CEP70: variants seen among roughly 807,000 people sequenced by gnomAD.
CEP70 encodes the protein centrosomal protein 70, also known as centrosomal protein of 70 kDa.
In CEP70, 70 loss-of-function variants were observed where a neutral mutation model predicts 90.9. The ratio of observed to expected loss-of-function variants is 0.77; its 90% CI spans 0.64 to 0.94. The LOEUF (loss-of-function observed/expected upper bound fraction) is 0.94. CEP70 is among the 40% of genes least tolerant of loss of function. CEP70 has a pLI of 0.00. For synonymous variants in CEP70, 220 were observed against 228.3 expected (o/e 0.96, Z 0.33); for missense variants, 648 against 669.0 (o/e 0.97, Z 0.35).
chr3:138,558,860 G>A (rs985873029), intron 6 of CEP70, among the ~76,000 whole-genome samples: 9 of 152,054 alleles, frequency 5.9e-5, no homozygotes, highest in African/African-American at 1.9e-4. Flanking sequence ...AAAACAGCAG[G>A]CTATAAAAAG....
rs2033857690 is a variant in CEP70, at chr3:138,494,708, CTGTCTCCCT to C, written c.*298_*306del. The C allele has an allele frequency of 5.1e-6, 1 of 194,900 alleles. No individual in the cohort carries two copies. Among genetic ancestry groups the C allele is most frequent in the African/African-American group, 2.4e-5 (1 of 42,216 alleles). 12.1% of individuals were successfully genotyped at this position (194,900 alleles called of 1,614,324 possible). A position where few individuals can be genotyped will look rare whatever the true frequency, so the allele number is the denominator to read the frequency against. The stretch of plus-strand genomic sequence containing the variant: ...AAGATTGCAACCTACTACTTGCAAT[CTGTCTCCCT>C]GGGCTCCTCTTTTACTCACAAACTC... On this transcript the variant is annotated 3_prime_UTR_variant, in exon 18 of 18. Transcript: ENST00000264982.
At chr3:138,584,042 G>A (rs959324474) in intron 2 of CEP70, among the ~76,000 whole-genome samples, 2 of 151,674 alleles carry the variant, frequency 1.3e-5, no homozygotes, top group African/African-American at 4.8e-5. Flanking sequence ...CCAGACTAAT[G>A]AAGAAAAAAG....
rs140628274 is a variant in CEP70, at chr3:138,543,251, A to G, written c.466-5904T>C. ...GTGCCCAGGCTGTCTGCACTGCAGG[A>G]CACTCACAGGCCCATGCCAAGCTGC... On this transcript the variant is annotated intron_variant, in intron 6 of 17. Coordinates refer to ENST00000264982, the MANE Select transcript of CEP70 (RefSeq NM_024491.4). Among the ~76,000 whole-genome samples the G allele has an allele frequency of 5.6e-3, 860 of 152,240 alleles. 8 individuals carry two copies. Among genetic ancestry groups the G allele is most frequent in the African/African-American group, 0.02 (828 of 41,544 alleles).
intron 6 of CEP70, among the ~76,000 whole-genome samples, chr3:138,552,345 C>G (rs2039682571): frequency 6.6e-6 from 1 of 152,170 alleles, no homozygotes; most frequent in East Asian, 1.9e-4. Flanking sequence ...ATTTACAACA[C>G]ATTCTACCCA....
At chr3:138,502,811 T>C (rs984462614) in intron 13 of CEP70, among the ~76,000 whole-genome samples, 4 of 152,180 alleles carry the variant, frequency 2.6e-5, no homozygotes, top group Non-Finnish European at 4.4e-5. Flanking sequence ...GTTGTGGAGA[T>C]GTAGAAGTAC....
intron 2 of CEP70, among the ~76,000 whole-genome samples, chr3:138,587,803 G>T (rs1013853254): frequency 2.6e-5 from 4 of 152,030 alleles, no homozygotes; most frequent in African/African-American, 9.7e-5. Flanking sequence ...GAATGAAAAA[G>T]AAGAACAAAG....
At chr3:138,497,035 C>G (rs887717889) in intron 17 of CEP70, 2 of 1,000,206 alleles carry the variant, frequency 2.0e-6, no homozygotes, top group African/African-American at 3.5e-5. Flanking sequence ...TTCAGGATAT[C>G]AGACAACACA....
chr3:138,530,084 T>G (rs764292895), intron 8 of CEP70, among the ~76,000 whole-genome samples: 15 of 152,200 alleles, frequency 9.9e-5, no homozygotes, highest in Non-Finnish European at 2.2e-4. Flanking sequence ...CTCTGTGAAA[T>G]GCAAAGTGCT....
intron 6 of CEP70, among the ~76,000 whole-genome samples, chr3:138,541,205 C>T (rs1341126582): frequency 6.6e-6 from 1 of 152,070 alleles, no homozygotes; most frequent in African/African-American, 2.4e-5. Flanking sequence ...ACGTAACAAA[C>T]CTTCACATTT....
At position 138,583,737 on chromosome 3, in the gene CEP70, A is replaced by G. The variant is rs6439812; in HGVS notation, c.-6+8117T>C. 5.6e-3 allele frequency among the ~76,000 whole-genome samples: 854 copies of G among 152,322 alleles called. 7 individuals are homozygous for G. The highest frequency in any genetic ancestry group is 0.02 in the African/African-American group (822 of 41,578). On this transcript the variant is annotated intron_variant, in intron 2 of 17. Coordinates refer to ENST00000264982, the MANE Select transcript of CEP70 (RefSeq NM_024491.4). ...GGTCAATGAAGAGATTAAGAAGGAAACTGAAAAATGTCTTGAAACAAATGA... is the reference window on the plus strand; with the variant it reads ...GGTCAATGAAGAGATTAAGAAGGAAGCTGAAAAATGTCTTGAAACAAATGA...
chr3:138,500,357 A>C (rs780783890), intron 15 of CEP70, 42 bp downstream of exon 15: 2 of 1,542,984 alleles, frequency 1.3e-6, no homozygotes, highest in Non-Finnish European at 1.7e-6. Context: ...ATTTATTAAA[A>C]ATTCTTAAAT....
chr3:138,580,311 G>A (rs2041786543), intron 2 of CEP70, among the ~76,000 whole-genome samples: 1 of 152,148 alleles, frequency 6.6e-6, no homozygotes, highest in Non-Finnish European at 1.5e-5. Context: ...ATTCCAGGCA[G>A]CTCAGCACAG....
At chr3:138,581,970 T>A (rs1425254343) in intron 2 of CEP70, among the ~76,000 whole-genome samples, 1 of 152,036 alleles carries the variant, frequency 6.6e-6, no homozygotes. Flanking sequence ...GCATGACATA[T>A]TTAAAATGCT....
intron 6 of CEP70, among the ~76,000 whole-genome samples, chr3:138,551,610 T>C (rs1289306443): frequency 6.6e-6 from 1 of 151,604 alleles, no homozygotes; most frequent in African/African-American, 2.4e-5. Context: ...ACCAGGCATG[T>C]TGGCGTGTGT....
intron 2 of CEP70, among the ~76,000 whole-genome samples, chr3:138,588,935 A>C (rs1050163543): frequency 4.6e-5 from 7 of 152,266 alleles, no homozygotes; most frequent in African/African-American, 1.7e-4. Flanking sequence ...ATAAATGTCA[A>C]AATAATTACG....
At chr3:138,524,484 A>G (rs1295165070) in intron 11 of CEP70, among the ~76,000 whole-genome samples, 1 of 152,214 alleles carries the variant, frequency 6.6e-6, no homozygotes, top group African/African-American at 2.4e-5. Flanking sequence ...CGACCTACAG[A>G]ATGGGAGAAA....
At chr3:138,542,855 T>C (rs527943787) in intron 6 of CEP70, among the ~76,000 whole-genome samples, 9 of 152,172 alleles carry the variant, frequency 5.9e-5, no homozygotes, top group Non-Finnish European at 1.2e-4. Context: ...AGAAGCCTTA[T>C]TGAGTGACAG....
At chr3:138,584,994 AG>A (rs1484364355) in intron 2 of CEP70, among the ~76,000 whole-genome samples, 1 of 152,166 alleles carries the variant, frequency 6.6e-6, no homozygotes, top group Non-Finnish European at 1.5e-5. Flanking sequence ...GAATTGCTGT[AG>A]TTAGGACTAG....
intron 2 of CEP70, among the ~76,000 whole-genome samples, chr3:138,576,709 A>T (rs1001959157): frequency 1.3e-5 from 2 of 152,142 alleles, no homozygotes; most frequent in East Asian, 1.9e-4. Flanking sequence ...GAAGTAAAGC[A>T]CTCCTCAGCA....
Sources: allele counts gnomAD v4.1 joint callset (sites outside exome capture counted in the v4.1 genomes callset), GRCh38; gene constraint gnomAD v4.1.1; transcripts MANE v1.5; gene names NCBI Gene and HGNC (gene_info 2026-07-23, HGNC 2026-07-21).